Variants in CPQ observed in about 807,000 individuals in gnomAD.
CPQ encodes the protein Ser-Met dipeptidase.
Under a neutral mutation model 45.7 loss-of-function variants are expected in CPQ, and 37 were observed. The observed-to-expected ratio is 0.81, with a 90% CI of 0.62 to 1.07. The LOEUF (loss-of-function observed/expected upper bound fraction) is 1.07, where lower values mean the gene tolerates loss of function less well. CPQ is among the 50% of genes least tolerant of loss of function. The pLI is 0.00. For synonymous variants in CPQ, 186 were observed against 205.8 expected, an observed-to-expected ratio of 0.90 and a Z score of 0.82; for missense variants, 537 against 572.9, an observed-to-expected ratio of 0.94 and a Z score of 0.64.
intron 4 of CPQ, among the ~76,000 whole-genome samples, chr8:96,898,420 A>G (rs1812470960): frequency 6.6e-6 from 1 of 152,158 alleles, no homozygotes; most frequent in Admixed American, 6.6e-5. Context: ...AGGGAAAGGA[A>G]ACTTTCTACT....
chr8:96,972,369 G>C (rs1008152391), intron 5 of CPQ, among the ~76,000 whole-genome samples: 1 of 152,164 alleles, frequency 6.6e-6, no homozygotes, highest in African/African-American at 2.4e-5. Context: ...CCAAAGGAGA[G>C]GCTGAACTCA....
intron 3 of CPQ, among the ~76,000 whole-genome samples, chr8:96,872,601 G>A (rs1336303656): frequency 6.6e-6 from 1 of 151,772 alleles, no homozygotes; most frequent in African/African-American, 2.4e-5. Flanking sequence ...TTTGGTCATG[G>A]CAAACATTGG....
At chr8:96,927,047 C>A (rs1008555060) in intron 4 of CPQ, among the ~76,000 whole-genome samples, 1 of 152,204 alleles carries the variant, frequency 6.6e-6, no homozygotes, top group Non-Finnish European at 1.5e-5. Context: ...GGTAGCAGAG[C>A]GATGACTATT....
intron 5 of CPQ, among the ~76,000 whole-genome samples, chr8:96,984,742 T>G (rs541978752): frequency 6.6e-6 from 1 of 152,348 alleles, no homozygotes; most frequent in African/African-American, 2.4e-5. Context: ...GTGTGATGCC[T>G]AGTTTCCTCA....
intron 5 of CPQ, among the ~76,000 whole-genome samples, chr8:97,026,454 T>A (rs901659997): frequency 1.3e-5 from 2 of 152,188 alleles, no homozygotes; most frequent in Non-Finnish European, 2.9e-5. Context: ...CCGTCCATCA[T>A]GGATTTAGGT....
chr8:96,728,649 TAAAG>T (rs1383215400), intron 1 of CPQ, among the ~76,000 whole-genome samples: 3 of 152,136 alleles, frequency 2.0e-5, no homozygotes, highest in African/African-American at 4.8e-5. Context: ...AGTTGGGAAA[TAAAG>T]AAAGTGCTTC....
intron 1 of CPQ, among the ~76,000 whole-genome samples, chr8:96,674,945 A>G (rs976845622): frequency 6.6e-6 from 1 of 152,018 alleles, no homozygotes; most frequent in South Asian, 2.1e-4. Flanking sequence ...AAACACCGAT[A>G]CCCTTAAGGG....
intron 6 of CPQ, among the ~76,000 whole-genome samples, chr8:97,031,938 T>C (rs1277820451): frequency 6.6e-6 from 1 of 152,244 alleles, no homozygotes; most frequent in Non-Finnish European, 1.5e-5. Context: ...TTCTGGATTC[T>C]TATGATTAGC....
chr8:97,143,422 G>A lies in CPQ; in HGVS notation c.*239G>A, dbSNP rs1403254879. ...ACATATGGTAGGGATTACAGTGGGG[G>A]CATTTCTTTATATCACCTCTTAAAA... On this transcript the variant is annotated 3_prime_UTR_variant, in exon 8 of 8. Coordinates refer to ENST00000220763, the MANE Select transcript of CPQ (RefSeq NM_016134.4). The A allele has an allele frequency of 5.7e-6, 2 of 352,864 alleles. No individual in the cohort carries two copies. Among genetic ancestry groups the A allele is most frequent in the Admixed American group, 8.8e-5 (2 of 22,604 alleles). The allele number at this position is 352,864 out of a possible 1,614,324, so 21.9% of individuals were successfully genotyped here.
chr8:97,109,429 G>A (rs930550015), intron 7 of CPQ, among the ~76,000 whole-genome samples: 5 of 152,064 alleles, frequency 3.3e-5, no homozygotes, highest in Non-Finnish European at 7.4e-5. Context: ...TGAGACATTG[G>A]AGGATGTCTG....
At chr8:96,768,855 T>C (rs565180254) in intron 1 of CPQ, among the ~76,000 whole-genome samples, 1 of 152,152 alleles carries the variant, frequency 6.6e-6, no homozygotes, top group Non-Finnish European at 1.5e-5. Context: ...CTGAAAGGCA[T>C]AATCCAAAGG....
intron 2 of CPQ, among the ~76,000 whole-genome samples, chr8:96,803,512 G>A (rs1811034871): frequency 6.6e-6 from 1 of 152,184 alleles, no homozygotes; most frequent in Non-Finnish European, 1.5e-5. Context: ...GGATTGGTGA[G>A]AAAACCATAA....
At chr8:97,051,794 A>G (rs1810369128) in intron 6 of CPQ, among the ~76,000 whole-genome samples, 1 of 152,198 alleles carries the variant, frequency 6.6e-6, no homozygotes, top group Non-Finnish European at 1.5e-5. Flanking sequence ...TGAGAAGTGC[A>G]TCAAATGGCA....
chr8:96,690,903 G>C (rs927572491), intron 1 of CPQ, among the ~76,000 whole-genome samples: 1 of 150,934 alleles, frequency 6.6e-6, no homozygotes, highest in Non-Finnish European at 1.5e-5. Context: ...GAAAAACAAA[G>C]TAAAATGCCC....
At chr8:96,834,381 A>T (rs1811497784) in intron 2 of CPQ, among the ~76,000 whole-genome samples, 3 of 152,188 alleles carry the variant, frequency 2.0e-5, no homozygotes. Flanking sequence ...TCCACTCTTT[A>T]AGAATGTTTC....
At position 96,708,759 on chromosome 8, in the gene CPQ, T is replaced by C. The variant is rs557719573; in HGVS notation, c.-35+63357T>C. Among the ~76,000 whole-genome samples the C allele has an allele frequency of 3.3e-5, 5 of 152,234 alleles. No individual in the cohort carries two copies. In the South Asian group the frequency reaches 1.0e-3, roughly 32 times the overall value. On this transcript the variant is annotated intron_variant, in intron 1 of 7. Transcript: ENST00000220763. Reference sequence around the variant, plus strand: ...TTTACAATCACCACAGAGTAGCACGTTGGTTTCTGACTTTTGGAACAATGT... The same window carrying C: ...TTTACAATCACCACAGAGTAGCACGCTGGTTTCTGACTTTTGGAACAATGT...
chr8:96,789,301 C>T (rs149293969), intron 2 of CPQ, among the ~76,000 whole-genome samples: 6 of 152,198 alleles, frequency 3.9e-5, no homozygotes, highest in Middle Eastern at 3.4e-3. Flanking sequence ...GACTTGTCTT[C>T]CTCCCTTTCC....
intron 3 of CPQ, among the ~76,000 whole-genome samples, chr8:96,850,647 T>C (rs1811759296): frequency 6.6e-6 from 1 of 151,580 alleles, no homozygotes. Flanking sequence ...TTTGCTCTTG[T>C]TGCCCAGGCT....
At chr8:96,850,463 A>G (rs1202493486) in intron 3 of CPQ, among the ~76,000 whole-genome samples, 2 of 152,184 alleles carry the variant, frequency 1.3e-5, no homozygotes, top group African/African-American at 4.8e-5. Context: ...CCATAATATC[A>G]TGGTGTATTT....
Sources: allele counts gnomAD v4.1 joint callset (sites outside exome capture counted in the v4.1 genomes callset), GRCh38; gene constraint gnomAD v4.1.1; transcripts MANE v1.5; gene names NCBI Gene and HGNC (gene_info 2026-07-23, HGNC 2026-07-21).